Variants in NELL1 observed in about 807,000 individuals in gnomAD.
NELL1 encodes neural EGFL like 1.
A neutral mutation model predicts 107.4 loss-of-function variants in NELL1; 76 were observed. The ratio of observed to expected loss-of-function variants is 0.71; its 90% confidence interval spans 0.59 to 0.86. NELL1 has a LOEUF of 0.86. NELL1 is among the 40% of genes least tolerant of loss of function. NELL1 has a pLI of 0.00. For missense variants in NELL1, 1,024 were observed against 1,005.5 expected, an observed-to-expected ratio of 1.02 and a Z score of -0.25; for synonymous variants, 353 against 341.2, an observed-to-expected ratio of 1.03 and a Z score of -0.38.
At chr11:20,909,758 A>G (rs1278605348) in intron 5 of NELL1, among the ~76,000 whole-genome samples, 1 of 152,140 alleles carries the variant, frequency 6.6e-6, no homozygotes, top group Non-Finnish European at 1.5e-5. Flanking sequence ...TTCCTTGAAC[A>G]TAACAGGGCC....
rs1590242568 is a variant in NELL1, at chr11:20,732,527, T to C, written c.185-51153T>C. Among the ~76,000 whole-genome samples, 3 of 152,084 alleles carry C rather than the reference T, an allele frequency of 2.0e-5. No individual in the cohort carries two copies. In the East Asian group the frequency reaches 5.8e-4, roughly 29 times the overall value. On this transcript the variant is annotated intron_variant, in intron 2 of 19. Transcript: ENST00000357134. ...ATGGTGTGCCTGAATGACTCCCAGG[T>C]GGTGAGTGCTGTTGGAGGTCTGAGG... is the stretch of plus-strand genomic sequence containing the variant.
chr11:20,672,783 A>C (rs1214128605), intron 1 of NELL1, among the ~76,000 whole-genome samples: 1 of 151,870 alleles, frequency 6.6e-6, no homozygotes, highest in Non-Finnish European at 1.5e-5. Context: ...TGAAGGGAGT[A>C]CCTACACCTG....
intron 3 of NELL1, among the ~76,000 whole-genome samples, chr11:20,786,362 G>A (rs1811347): frequency 1.9e-4 from 23 of 120,712 alleles, no homozygotes; most frequent in South Asian, 2.8e-4. Context: ...AAAAAAAAAA[G>A]AAAAAAAAAG....
intron 14 of NELL1, among the ~76,000 whole-genome samples, chr11:21,317,526 A>G (rs1318965515): frequency 1.2e-5 from 1 of 82,252 alleles, no homozygotes; most frequent in African/African-American, 4.7e-5. Flanking sequence ...CACACTAAGC[A>G]TTCTAGGTGG....
At chr11:21,151,893 C>T (rs1426326369) in intron 13 of NELL1, among the ~76,000 whole-genome samples, 1 of 152,176 alleles carries the variant, frequency 6.6e-6, no homozygotes, top group Non-Finnish European at 1.5e-5. Flanking sequence ...CTGGAGGTAT[C>T]ACTTTATTGA....
chr11:21,283,336 A>T (rs28455922), intron 14 of NELL1, among the ~76,000 whole-genome samples: 141 of 152,312 alleles, frequency 9.3e-4, no homozygotes, highest in African/African-American at 3.1e-3. Flanking sequence ...AATATTTTTT[A>T]AAAAATTAAA....
Position 21,221,678 on chromosome 11 carries a change from A to G in NELL1, c.1427-7654A>G, listed in dbSNP as rs192185205. On this transcript the variant is annotated intron_variant, in intron 13 of 19. Coordinates refer to ENST00000357134, the MANE Select transcript of NELL1 (RefSeq NM_006157.5). ...TCCAGTTTGTTGGCATATAGCTATC[A>G]TAATAGTGTCTAATGATTTTTTTGT... 2.2e-4 allele frequency among the ~76,000 whole-genome samples: 33 copies of G among 152,244 alleles called. 1 individual carries two copies. In the East Asian group the frequency reaches 5.8e-3, roughly 27 times the overall value.
At chr11:21,513,588 GAGTC>G (rs1359700311) in intron 15 of NELL1, among the ~76,000 whole-genome samples, 2 of 152,164 alleles carry the variant, frequency 1.3e-5, no homozygotes, top group Non-Finnish European at 2.9e-5. Context: ...TTGAAACTCT[GAGTC>G]AGTCAGAGAT....
At chr11:21,560,532 G>T in intron 17 of NELL1, 150 bp downstream of exon 17, 1 of 683,344 alleles carries the variant, frequency 1.5e-6, no homozygotes, top group Non-Finnish European at 2.4e-6. Context: ...TAATGATGAT[G>T]CTAAGGGGTA....
intron 16 of NELL1, among the ~76,000 whole-genome samples, chr11:21,535,997 AAATTTT>A (rs1856126690): frequency 6.6e-6 from 1 of 152,208 alleles, no homozygotes; most frequent in African/African-American, 2.4e-5. Context: ...GGCTAAAAGA[AAATTTT>A]AATTTTTACA....
chr11:21,067,017 G>A (rs966523850), intron 12 of NELL1, among the ~76,000 whole-genome samples: 1 of 148,422 alleles, frequency 6.7e-6, no homozygotes, highest in Non-Finnish European at 1.5e-5. Flanking sequence ...TACCCTCTTG[G>A]AGTTACCTTT....
chr11:21,507,556 G>T (rs1478790223), intron 15 of NELL1, among the ~76,000 whole-genome samples: 1 of 152,142 alleles, frequency 6.6e-6, no homozygotes, highest in African/African-American at 2.4e-5. Flanking sequence ...CTGTTGAATA[G>T]AGCTTACATT....
intron 14 of NELL1, among the ~76,000 whole-genome samples, chr11:21,282,155 A>G (rs1467871043): frequency 8.5e-5 from 13 of 152,346 alleles, no homozygotes; most frequent in Non-Finnish European, 2.9e-5. Flanking sequence ...TATAGGAAAA[A>G]AAAATCTAAC....
intron 3 of NELL1, among the ~76,000 whole-genome samples, chr11:20,847,153 C>G (rs1350740642): frequency 1.3e-5 from 2 of 152,130 alleles, no homozygotes; most frequent in African/African-American, 2.4e-5. Context: ...ATTTCAATCC[C>G]TGATGTCCAA....
chr11:21,476,623 C>T (rs1199125207), intron 15 of NELL1, among the ~76,000 whole-genome samples: 2 of 152,038 alleles, frequency 1.3e-5, no homozygotes, highest in African/African-American at 4.8e-5. Context: ...TTCATAAGAA[C>T]CAAAAATCAC....
intron 6 of NELL1, among the ~76,000 whole-genome samples, chr11:20,918,658 T>A (rs1364713032): frequency 6.6e-6 from 1 of 151,966 alleles, no homozygotes; most frequent in Non-Finnish European, 1.5e-5. Flanking sequence ...CATCAGATCT[T>A]GTGAGACTTA....
intron 2 of NELL1, among the ~76,000 whole-genome samples, chr11:20,748,702 C>T (rs1201597724): frequency 6.6e-5 from 10 of 152,108 alleles, no homozygotes. Flanking sequence ...GAACATTGGC[C>T]TCCGGCTCCA....
At chr11:21,121,378 A>G (rs996429204) in intron 13 of NELL1, among the ~76,000 whole-genome samples, 2 of 152,162 alleles carry the variant, frequency 1.3e-5, no homozygotes, top group Non-Finnish European at 2.9e-5. Context: ...AAGACGCTGG[A>G]TAGACAATGA....
chr11:21,480,796 C>T lies in NELL1; in HGVS notation c.1646-53578C>T, dbSNP rs191174036. ...GTTAATAATGTTATGGCATCCTGTT[C>T]CCCTCAGAATGCTTCATTTTAATTT... On this transcript the variant is annotated intron_variant, in intron 15 of 19. Transcript: ENST00000357134. Among the ~76,000 whole-genome samples, 8 of 152,158 alleles carry T rather than the reference C, an allele frequency of 5.3e-5. No individual in the cohort carries two copies. In the East Asian group the frequency reaches 1.3e-3, roughly 26 times the overall value.
Sources: allele counts gnomAD v4.1 joint callset (sites outside exome capture counted in the v4.1 genomes callset), GRCh38; gene constraint gnomAD v4.1.1; transcripts MANE v1.5; gene names NCBI Gene and HGNC (gene_info 2026-07-23, HGNC 2026-07-21).